Variants in LHFPL2 observed in about 807,000 individuals in gnomAD.
LHFPL2 encodes LHFPL tetraspan subfamily member 2 protein.
LHFPL2 carries 7 observed loss-of-function variants against 17.5 expected under a neutral mutation model. That is an observed-to-expected ratio of 0.40 (90% CI 0.23 to 0.75). The LOEUF is 0.75. Among genes scored for constraint, LHFPL2 ranks in the 30% least tolerant of loss-of-function variants. The pLI is 0.37. For synonymous variants in LHFPL2, 134 were observed against 116.2 expected (o/e 1.15, Z -0.99); for missense variants, 241 against 294.8 (o/e 0.82, Z 1.34).
chr5:78,559,589 C>T (rs1756669812), intron 3 of LHFPL2, among the ~76,000 whole-genome samples: 2 of 152,166 alleles, frequency 1.3e-5, no homozygotes, highest in South Asian at 4.1e-4. Context: ...TTTGTCTTCA[C>T]TGCATTTAAT....
chr5:78,590,596 A>G (rs1367195136), intron 2 of LHFPL2, among the ~76,000 whole-genome samples: 1 of 152,160 alleles, frequency 6.6e-6, no homozygotes, highest in Non-Finnish European at 1.5e-5. Flanking sequence ...TAAGTGTAAA[A>G]TTGTTGGACA....
intron 1 of LHFPL2, among the ~76,000 whole-genome samples, chr5:78,635,554 G>A (rs557343366): frequency 2.2e-4 from 33 of 152,376 alleles, no homozygotes; most frequent in East Asian, 5.8e-4. Flanking sequence ...TGTAATTCCA[G>A]CACTTTGGGA....
rs540746910 is a variant in LHFPL2, at chr5:78,611,321, C to G, written c.-245+20943G>C. On this transcript the variant is annotated intron_variant, in intron 2 of 4. Coordinates refer to ENST00000380345, the MANE Select transcript of LHFPL2 (RefSeq NM_005779.3). ...TGGGCTGAGGGGCAGGAGAAAGGCT[C>G]TCAAAGGAGAACTCCACCTGGGCTT... is the stretch of plus-strand genomic sequence containing the variant. Among the ~76,000 whole-genome samples, 5 of 152,316 alleles carry G rather than the reference C, an allele frequency of 3.3e-5. No individual in the cohort carries two copies. In the East Asian group the frequency reaches 9.6e-4, roughly 29 times the overall value.
At chr5:78,600,199 A>G (rs982428949) in intron 2 of LHFPL2, among the ~76,000 whole-genome samples, 15 of 151,900 alleles carry the variant, frequency 9.9e-5, no homozygotes, top group Admixed American at 5.3e-4. Flanking sequence ...CCTTTCAAGT[A>G]AAAAATTTAC....
At chr5:78,569,252 A>G (rs181301973) in intron 2 of LHFPL2, among the ~76,000 whole-genome samples, 2 of 152,344 alleles carry the variant, frequency 1.3e-5, no homozygotes. Context: ...CTGACTAGGA[A>G]GAGCTCATTA....
intron 1 of LHFPL2, among the ~76,000 whole-genome samples, chr5:78,645,374 G>T (rs754289898): frequency 4.6e-5 from 7 of 151,840 alleles, no homozygotes; most frequent in Non-Finnish European, 1.5e-5. Flanking sequence ...TTTGCTGAAT[G>T]ACTGGATAAA....
chr5:78,540,142 T>C (rs1008792712), intron 3 of LHFPL2, among the ~76,000 whole-genome samples: 1 of 152,246 alleles, frequency 6.6e-6, no homozygotes, highest in East Asian at 1.9e-4. Context: ...CTAAGCAATG[T>C]AATCAACAAA....
At chr5:78,503,411 G>A (rs895810052) in intron 4 of LHFPL2, among the ~76,000 whole-genome samples, 2 of 152,082 alleles carry the variant, frequency 1.3e-5, no homozygotes, top group Non-Finnish European at 2.9e-5. Context: ...ACAGGTCCCC[G>A]TCTTGGCCAG....
At chr5:78,519,367 G>GT (rs1554052579) in intron 3 of LHFPL2, among the ~76,000 whole-genome samples, 2 of 152,150 alleles carry the variant, frequency 1.3e-5, no homozygotes, top group Non-Finnish European at 2.9e-5. Context: ...CTACAAGTGG[G>GT]TGGCTGATAA....
chr5:78,582,786 T>C (rs187824296), intron 2 of LHFPL2, among the ~76,000 whole-genome samples: 44 of 152,332 alleles, frequency 2.9e-4, no homozygotes, highest in African/African-American at 1.1e-3. Flanking sequence ...TAGAGCTCTG[T>C]AGATGTCTAT....
chr5:78,616,370 A>T (rs574263114), intron 2 of LHFPL2, among the ~76,000 whole-genome samples: 1 of 152,054 alleles, frequency 6.6e-6, no homozygotes, highest in African/African-American at 2.4e-5. Context: ...CTTGTGATCC[A>T]GCCGCCTCGC....
At chr5:78,494,477 G>A (rs1401396141) in intron 4 of LHFPL2, 3 of 985,274 alleles carry the variant, frequency 3.0e-6, no homozygotes, top group Non-Finnish European at 2.4e-6. Flanking sequence ...TACCAAGGAG[G>A]TTAGAAGACG....
chr5:78,531,670 G>T (rs868784757), intron 3 of LHFPL2, among the ~76,000 whole-genome samples: 1 of 152,126 alleles, frequency 6.6e-6, no homozygotes, highest in Non-Finnish European at 1.5e-5. Flanking sequence ...CAATGGGCCC[G>T]GCTCAAAAGC....
At chr5:78,630,249 T>C (rs577223458) in intron 2 of LHFPL2, among the ~76,000 whole-genome samples, 3 of 152,216 alleles carry the variant, frequency 2.0e-5, no homozygotes, top group African/African-American at 4.8e-5. Context: ...TGCAGCTCAC[T>C]AGGAAGTGGC....
intron 2 of LHFPL2, among the ~76,000 whole-genome samples, chr5:78,601,444 T>G (rs1198537004): frequency 6.6e-6 from 1 of 152,236 alleles, no homozygotes; most frequent in African/African-American, 2.4e-5. Context: ...TGAATTATTC[T>G]CATGTTTGTA....
At chr5:78,586,803 T>C (rs1743425526) in intron 2 of LHFPL2, among the ~76,000 whole-genome samples, 1 of 152,254 alleles carries the variant, frequency 6.6e-6, no homozygotes, top group African/African-American at 2.4e-5. Flanking sequence ...GTATAAGTTA[T>C]ATTTTCTAGC....
chr5:78,487,678 G>T lies in LHFPL2; in HGVS notation c.*1219C>A, dbSNP rs535022697. On this transcript the variant is annotated 3_prime_UTR_variant, in exon 5 of 5. Transcript: ENST00000380345. ...TGAATCCTTATTCATAGTGGTATTT[G>T]ATTCTTTTTGTAAACAGGTGTAGGC... 3.9e-5 allele frequency: 6 copies of T among 152,254 alleles called. No individual in the cohort carries two copies. Among genetic ancestry groups the T allele is most frequent in the African/African-American group, 1.2e-4 (5 of 41,550 alleles). 9.4% of individuals were successfully genotyped at this position (152,254 alleles called of 1,614,324 possible). A position where few individuals can be genotyped will look rare whatever the true frequency, so the allele number is the denominator to read the frequency against.
At chr5:78,602,875 G>GGTTTTGTTTTGTTTTGTTTTGTTTT (rs58986689) in intron 2 of LHFPL2, among the ~76,000 whole-genome samples, 5 of 149,932 alleles carry the variant, frequency 3.3e-5, no homozygotes, top group African/African-American at 7.4e-5. Flanking sequence ...AATGAGGTAG[G>GGTTTTGTTTTGTTTTGTTTTGTTTT]GTTTTGTTTT....
At chr5:78,552,880 G>C (rs1417978297) in intron 3 of LHFPL2, among the ~76,000 whole-genome samples, 1 of 152,146 alleles carries the variant, frequency 6.6e-6, no homozygotes, top group African/African-American at 2.4e-5. Flanking sequence ...TCGCCAACCA[G>C]CCATGTAGCA....
Sources: allele counts gnomAD v4.1 joint callset (sites outside exome capture counted in the v4.1 genomes callset), GRCh38; gene constraint gnomAD v4.1.1; transcripts MANE v1.5; gene names NCBI Gene and HGNC (gene_info 2026-07-23, HGNC 2026-07-21).